The following FBXO28 variants were observed in gnomAD, a reference collection of about 807,000 sequenced individuals.
FBXO28 encodes F-box only protein 28.
FBXO28 carries 8 observed loss-of-function variants against 38.1 expected under a neutral mutation model. The ratio of observed to expected loss-of-function variants is 0.21; its 90% confidence interval spans 0.12 to 0.38. The LOEUF (loss-of-function observed/expected upper bound fraction) is 0.38, where lower values mean the gene tolerates loss of function less well. Among genes scored for constraint, FBXO28 ranks in the 10% least tolerant of loss-of-function variants. FBXO28 has a pLI of 1.00. For synonymous variants in FBXO28, 168 were observed against 173.8 expected (o/e 0.97, Z 0.26); for missense variants, 345 against 460.6 (o/e 0.75, Z 2.30).
intron 3 of FBXO28, among the ~76,000 whole-genome samples, chr1:224,135,079 T>G (rs998755143): frequency 6.6e-6 from 1 of 152,386 alleles, no homozygotes; most frequent in African/African-American, 2.4e-5. Context: ...ATTTGAAATA[T>G]TTTGGTATAT....
At chr1:224,146,676 C>T (rs1657513908) in intron 3 of FBXO28, among the ~76,000 whole-genome samples, 1 of 149,624 alleles carries the variant, frequency 6.7e-6, no homozygotes, top group Non-Finnish European at 1.5e-5. Flanking sequence ...CAGCCACAGC[C>T]TGTACTGTAC....
Position 224,160,549 on chromosome 1 carries a change from TG to T in FBXO28, c.*2805del, listed in dbSNP as rs1657882624. The stretch of plus-strand genomic sequence containing the variant: ...CCTCTGCTTATCTCCCACATGCACT[TG>T]GCTTAACTGGTTTTCACAGATTCTG... On this transcript the variant is annotated 3_prime_UTR_variant, in exon 5 of 5. Transcript: ENST00000366862. 1 of 152,184 alleles carries T rather than the reference TG, an allele frequency of 6.6e-6. No homozygotes were observed. Among genetic ancestry groups the T allele is most frequent in the South Asian group, 2.1e-4 (1 of 4,828 alleles). 9.4% of individuals were successfully genotyped at this position (152,184 alleles called of 1,614,324 possible).
chr1:224,134,783 T>G (rs551034561), intron 3 of FBXO28, among the ~76,000 whole-genome samples: 2 of 152,346 alleles, frequency 1.3e-5, no homozygotes, highest in African/African-American at 4.8e-5. Context: ...TACTTATACC[T>G]TCAGTAGTAC....
At chr1:224,115,158 T>TA (rs1292813536) in intron 1 of FBXO28, among the ~76,000 whole-genome samples, 1 of 152,212 alleles carries the variant, frequency 6.6e-6, no homozygotes, top group Non-Finnish European at 1.5e-5. Flanking sequence ...CTTTATACCT[T>TA]AAAATCACAA....
chr1:224,135,262 G>A (rs1276256232), intron 3 of FBXO28, among the ~76,000 whole-genome samples: 1 of 152,114 alleles, frequency 6.6e-6, no homozygotes, highest in African/African-American at 2.4e-5. Flanking sequence ...ACTTTTAAGT[G>A]TTCCTGAGTT....
intron 1 of FBXO28, among the ~76,000 whole-genome samples, chr1:224,115,440 C>T (rs533263974): frequency 1.3e-5 from 2 of 152,288 alleles, no homozygotes; most frequent in East Asian, 3.9e-4. Flanking sequence ...TCTTATTACT[C>T]AATATGCTAT....
chr1:224,118,506 C>T (rs1220734930), intron 1 of FBXO28, among the ~76,000 whole-genome samples: 2 of 152,106 alleles, frequency 1.3e-5, no homozygotes, highest in Non-Finnish European at 2.9e-5. Context: ...TGCCTATTTT[C>T]TGGAATGAAA....
In FBXO28 at chr1:224,134,200, C is replaced by T; in HGVS notation, c.504C>T (p.Phe168=). 6.2e-7 allele frequency: 1 copy of T among 1,611,888 alleles called. No individual in the cohort carries two copies. The highest frequency in any genetic ancestry group is 8.5e-7 in the Non-Finnish European group (1 of 1,179,174). ...MKYVDSNLCC[F]IPGKVIDEIY... The stretch of plus-strand genomic sequence containing the variant: ...ATGTGGATTCCAATCTCTGTTGCTT[C>T]ATCCCAGGAAAGGTAAAATAGAATT... Residue 168 remains phenylalanine (F), a synonymous_variant, in exon 3 of 5, where the codon TTC becomes TTT. Transcript: ENST00000366862.
At chr1:224,117,162 T>A (rs1471677780) in intron 1 of FBXO28, among the ~76,000 whole-genome samples, 4 of 117,178 alleles carry the variant, frequency 3.4e-5, no homozygotes, top group Middle Eastern at 4.3e-3. Flanking sequence ...AAAAATAAAT[T>A]GGATTTTTTT....
chr1:224,145,803 TCA>T (rs888227562), intron 3 of FBXO28, among the ~76,000 whole-genome samples: 14 of 152,148 alleles, frequency 9.2e-5, no homozygotes, highest in Admixed American at 2.6e-4. Context: ...GCGCAGTGAC[TCA>T]CACCTGTAAT....
intron 1 of FBXO28, among the ~76,000 whole-genome samples, chr1:224,127,279 G>A (rs1051033428): frequency 1.3e-5 from 2 of 151,680 alleles, no homozygotes; most frequent in Non-Finnish European, 2.9e-5. Flanking sequence ...GACGTTTGAT[G>A]ACATGATGGC....
At chr1:224,127,858 G>T (rs1189207780) in intron 1 of FBXO28, among the ~76,000 whole-genome samples, 1 of 152,208 alleles carries the variant, frequency 6.6e-6, no homozygotes, top group Non-Finnish European at 1.5e-5. Flanking sequence ...AGTGAACCAA[G>T]ATCACGCCAC....
At chr1:224,115,932 G>A (rs1451147207) in intron 1 of FBXO28, among the ~76,000 whole-genome samples, 1 of 152,072 alleles carries the variant, frequency 6.6e-6, no homozygotes, top group Non-Finnish European at 1.5e-5. Context: ...AGTGGGGAGG[G>A]GGGAACCAGC....
rs1398369067 is a variant in FBXO28, at chr1:224,118,150, G to C, written c.267+3754G>C. Among the ~76,000 whole-genome samples, 7 of 151,992 alleles carry C rather than the reference G, an allele frequency of 4.6e-5. No individual in the cohort carries two copies. The South Asian group carries it at 1.5e-3, about 32-fold the overall frequency. Reference sequence around the variant, plus strand: ...TGTGGAGATGTGATTTCTCCATGTTGCCCAGGCTGGTCTTAAGTTTAAACT... The same window carrying C: ...TGTGGAGATGTGATTTCTCCATGTTCCCCAGGCTGGTCTTAAGTTTAAACT... On this transcript the variant is annotated intron_variant, in intron 1 of 4. Coordinates refer to ENST00000366862, the MANE Select transcript of FBXO28 (RefSeq NM_015176.4).
intron 3 of FBXO28, among the ~76,000 whole-genome samples, chr1:224,149,567 TAAAC>T (rs1657591960): frequency 6.6e-6 from 1 of 152,238 alleles, no homozygotes; most frequent in South Asian, 2.1e-4. Flanking sequence ...CAATTAATGT[TAAAC>T]AATTAATATA....
At chr1:224,148,633 G>A (rs1657568396) in intron 3 of FBXO28, among the ~76,000 whole-genome samples, 1 of 151,614 alleles carries the variant, frequency 6.6e-6, no homozygotes, top group African/African-American at 2.4e-5. Context: ...CCGCACTCCA[G>A]CCTGGGCGAC....
rs1657900463 is a variant in FBXO28, at chr1:224,161,236, A to G, written c.*3490A>G. The G allele has an allele frequency of 1.3e-5, 2 of 151,838 alleles. No homozygotes were observed. The highest frequency in any genetic ancestry group is 1.3e-4 in the Admixed American group (2 of 15,252). The allele number at this position is 151,838 out of a possible 1,614,324, so 9.4% of individuals were successfully genotyped here. On this transcript the variant is annotated 3_prime_UTR_variant, in exon 5 of 5. Coordinates refer to ENST00000366862, the MANE Select transcript of FBXO28 (RefSeq NM_015176.4). ...CTATATTGTCTATTTCCAACATTAT[A>G]TAATTTTAATTTAATGTAATGTAAA...
At chr1:224,129,603 G>A (rs1656988526) in intron 1 of FBXO28, among the ~76,000 whole-genome samples, 1 of 152,106 alleles carries the variant, frequency 6.6e-6, no homozygotes, top group South Asian at 2.1e-4. Flanking sequence ...ATAATAATGG[G>A]AATACATTCA....
intron 4 of FBXO28, among the ~76,000 whole-genome samples, chr1:224,156,356 T>TAC (rs1657773356): frequency 2.0e-5 from 3 of 152,220 alleles, no homozygotes; most frequent in Admixed American, 2.0e-4. Context: ...GTGGAGTCCC[T>TAC]ATCATTTGGC....
Sources: allele counts gnomAD v4.1 joint callset (sites outside exome capture counted in the v4.1 genomes callset), GRCh38; gene constraint gnomAD v4.1.1; transcripts MANE v1.5; gene names NCBI Gene and HGNC (gene_info 2026-07-23, HGNC 2026-07-21).